The following RNF111 variants were observed in gnomAD, a reference collection of about 807,000 sequenced individuals.
RNF111 encodes E3 ubiquitin-protein ligase Arkadia.
Under a neutral mutation model 95.1 loss-of-function variants are expected in RNF111, and 17 were observed. The ratio of observed to expected loss-of-function variants is 0.18; its 90% CI spans 0.12 to 0.27. The LOEUF is 0.27. RNF111 is among the 10% of genes least tolerant of loss of function. RNF111 has a pLI of 1.00. For missense variants in RNF111, 1,189 were observed against 1,210.4 expected (o/e 0.98, Z 0.26); for synonymous variants, 440 against 414.8 (o/e 1.06, Z -0.74).
intron 1 of RNF111, among the ~76,000 whole-genome samples, chr15:59,024,022 TC>T (rs2040477511): frequency 6.6e-6 from 1 of 152,294 alleles, no homozygotes; most frequent in South Asian, 2.1e-4. Context: ...ATCTTTTGGC[TC>T]CCTGCTGTTC....
At chr15:59,019,502 T>A (rs2040228823) in intron 1 of RNF111, among the ~76,000 whole-genome samples, 1 of 152,188 alleles carries the variant, frequency 6.6e-6, no homozygotes, top group South Asian at 2.1e-4. Flanking sequence ...ACTAGGATTG[T>A]CTGTTACATC....
rs1315269907 is a variant in RNF111, at chr15:59,031,627, T to C, written c.805T>C (p.Ser269Pro). The C allele has an allele frequency of 6.2e-7, 1 of 1,614,056 alleles. No homozygotes were observed. Among genetic ancestry groups the C allele is most frequent in the Non-Finnish European group, 8.5e-7 (1 of 1,180,004 alleles). Residue 269 changes from serine to proline, a missense_variant, in exon 2 of 14, where the codon TCA becomes CCA. Around this residue, in one of 2 missense-constraint regions of RNF111, gnomAD observed 1,024 missense variants for 925.9 expected, o/e 1.11. Coordinates refer to ENST00000348370, the MANE Select transcript of RNF111 (RefSeq NM_017610.8). Reference protein sequence around the residue: ...NDLSSESSSSSSTEGEEDLFV... With the variant: ...NDLSSESSSSPSTEGEEDLFV... ...CCTCAGCAGTGAATCCTCTTCTAGCTCATCAACTGAAGGAGAAGAAGATTT... is the reference window on the plus strand; with the variant it reads ...CCTCAGCAGTGAATCCTCTTCTAGCCCATCAACTGAAGGAGAAGAAGATTT...
At chr15:59,021,844 C>A (rs544358521) in intron 1 of RNF111, among the ~76,000 whole-genome samples, 1 of 151,878 alleles carries the variant, frequency 6.6e-6, no homozygotes, top group Non-Finnish European at 1.5e-5. Flanking sequence ...TATTGCTATG[C>A]GTTCATTTTT....
chr15:59,065,300 G>A (rs1306064814), intron 5 of RNF111, among the ~76,000 whole-genome samples: 1 of 152,122 alleles, frequency 6.6e-6, no homozygotes, highest in East Asian at 1.9e-4. Flanking sequence ...GTTTGAGGAA[G>A]CGTTTCTAGG....
At chr15:59,069,306 T>C (rs1223401937) in intron 6 of RNF111, among the ~76,000 whole-genome samples, 1 of 152,212 alleles carries the variant, frequency 6.6e-6, no homozygotes, top group Non-Finnish European at 1.5e-5. Flanking sequence ...TGCTTGGAAG[T>C]ATAACTTTGT....
At chr15:59,066,625 T>A (rs2042668149) in intron 5 of RNF111, 139 bp from the exon 6 acceptor site, 1 of 726,942 alleles carries the variant, frequency 1.4e-6, no homozygotes, top group Non-Finnish European at 2.2e-6. Flanking sequence ...AAAAAGAACG[T>A]GGCACTATCA....
At chr15:59,005,670 C>T (rs2039509271) in intron 1 of RNF111, among the ~76,000 whole-genome samples, 1 of 151,106 alleles carries the variant, frequency 6.6e-6, no homozygotes, top group Non-Finnish European at 1.5e-5. Context: ...TGAAGTCGTA[C>T]CAAAAAAAAA....
At chr15:59,074,842 A>G (rs1188739878) in intron 6 of RNF111, among the ~76,000 whole-genome samples, 2 of 151,984 alleles carry the variant, frequency 1.3e-5, no homozygotes, top group African/African-American at 4.8e-5. Context: ...AAGCTTAATC[A>G]TTTCTCGGTT....
Position 58,993,127 on chromosome 15 carries a change from G to A in RNF111, c.-20+5059G>A, listed in dbSNP as rs562118715. Among the ~76,000 whole-genome samples the A allele has an allele frequency of 6.9e-4, 104 of 150,326 alleles. 2 individuals are homozygous for A. The highest frequency in any genetic ancestry group is 2.1e-4 in the South Asian group (1 of 4,700). ...AGAGGTTGCAGTGAGCCAAGATTGCGCCACTGCCCTTCAGTCTGGGTGACA... is the reference window on the plus strand; with the variant it reads ...AGAGGTTGCAGTGAGCCAAGATTGCACCACTGCCCTTCAGTCTGGGTGACA... On this transcript the variant is annotated intron_variant, in intron 1 of 13. Transcript: ENST00000348370.
intron 1 of RNF111, among the ~76,000 whole-genome samples, chr15:58,994,315 A>C (rs1267844355): frequency 1.3e-5 from 2 of 151,420 alleles, no homozygotes; most frequent in Non-Finnish European, 2.9e-5. Context: ...CTGGGATTAC[A>C]GGCGTGAGCC....
At chr15:58,997,842 T>C (rs1057258053) in intron 1 of RNF111, among the ~76,000 whole-genome samples, 1 of 151,684 alleles carries the variant, frequency 6.6e-6, no homozygotes, top group Non-Finnish European at 1.5e-5. Flanking sequence ...CCCAAAAAAT[T>C]TGTAAATTTA....
rs1555464442 is a variant in RNF111 at position 58,987,717 on chromosome 15, A to AGCT, written c.-369_-368insTGC. 4 of 178,606 alleles carry AGCT rather than the reference A, an allele frequency of 2.2e-5. No homozygotes were observed. The highest frequency in any genetic ancestry group is 9.6e-5 in the African/African-American group (4 of 41,570). 11.1% of individuals were successfully genotyped at this position (178,606 alleles called of 1,614,324 possible). A position where few individuals can be genotyped will look rare whatever the true frequency, so the allele number is the denominator to read the frequency against. The stretch of plus-strand genomic sequence containing the variant: ...ATTGGTTAGGCGGCGGCGGCGGCGA[A>AGCT]GCGGCGGCGGCGGCTGTAGGGGAGC... On this transcript the variant is annotated 5_prime_UTR_variant, in exon 1 of 14. Coordinates refer to ENST00000348370, the MANE Select transcript of RNF111 (RefSeq NM_017610.8).
intron 5 of RNF111, among the ~76,000 whole-genome samples, chr15:59,061,918 T>C (rs1385020014): frequency 6.6e-6 from 1 of 151,640 alleles, no homozygotes; most frequent in Non-Finnish European, 1.5e-5. Flanking sequence ...CATAATTCAT[T>C]TTCTTCCCAG....
Position 59,031,250 on chromosome 15 carries a change from C to A in RNF111, c.428C>A (p.Ser143Tyr). 6.2e-7 allele frequency: 1 copy of A among 1,614,124 alleles called. No individual in the cohort carries two copies. Among genetic ancestry groups the A allele is most frequent in the South Asian group, 1.1e-5 (1 of 91,080 alleles). Reference sequence around the variant, plus strand: ...AGTGATTGTCTTTCTTCTCCTTCATCTAGTCTGCATTTTGGAGATTCTGAT... The same window carrying A: ...AGTGATTGTCTTTCTTCTCCTTCATATAGTCTGCATTTTGGAGATTCTGAT... ...SFSDCLSSPS[S>Y]SLHFGDSDTV... The change falls in exon 2 of 14, where the codon TCT becomes TAT. Residue 143 changes from serine (S) to tyrosine (Y), a missense_variant. Around this residue, in one of 2 missense-constraint regions of RNF111, gnomAD observed 1,024 missense variants for 925.9 expected, o/e 1.11. Transcript: ENST00000348370.
chr15:59,055,716 T>G lies in RNF111; in HGVS notation c.1042T>G (p.Trp348Gly). Residue 348 changes from tryptophan (W) to glycine (G), a missense_variant, in exon 4 of 14, where the codon TGG (tryptophan) becomes GGG (glycine). By Grantham distance (184) the Trp-to-Gly change is radical. This residue lies in a region of RNF111 where 1,024 missense variants were observed against 925.9 expected (regional missense o/e 1.11). Transcript: ENST00000348370. ...AACCCTTGGACACTCCAGATCTCAT[T>G]GGAGCCAGGGTTCCAGTTCTCATGC... ...RSTLGHSRSH[W>G]SQGSSSHASR... 6.2e-7 allele frequency: 1 copy of G among 1,613,968 alleles called. No homozygotes were observed. Among genetic ancestry groups the G allele is most frequent in the Non-Finnish European group, 8.5e-7 (1 of 1,179,934 alleles).
intron 1 of RNF111, among the ~76,000 whole-genome samples, chr15:59,017,014 C>T (rs893648713): frequency 1.3e-5 from 2 of 151,712 alleles, no homozygotes; most frequent in South Asian, 4.2e-4. Context: ...CATCTAGTTG[C>T]AGGAGAGCAA....
rs545165788 is a variant in RNF111 at position 59,064,393 on chromosome 15, G to T, written c.1367-2371G>T. On this transcript the variant is annotated intron_variant, in intron 5 of 13. Coordinates refer to ENST00000348370, the MANE Select transcript of RNF111 (RefSeq NM_017610.8). ...TACTAAAAATACAAAAAAATTAGCC[G>T]GGCTTGGTGGCGGGCGCCTGTAGTC... Among the ~76,000 whole-genome samples, 37 of 151,894 alleles carry T rather than the reference G, an allele frequency of 2.4e-4. No individual in the cohort carries two copies. In the South Asian group the frequency reaches 5.0e-3, roughly 21 times the overall value.
At chr15:59,069,632 A>G (rs1159178902) in intron 6 of RNF111, among the ~76,000 whole-genome samples, 1 of 152,210 alleles carries the variant, frequency 6.6e-6, no homozygotes, top group Non-Finnish European at 1.5e-5. Context: ...AAGAATCAGC[A>G]GGATCACAGG....
At chr15:59,081,460 A>G (rs1262389750) in intron 8 of RNF111, among the ~76,000 whole-genome samples, 176 bp downstream of exon 8, 1 of 150,450 alleles carries the variant, frequency 6.6e-6, no homozygotes, top group African/African-American at 2.4e-5. Context: ...TCTGGGCAAC[A>G]CAGTGAAATA....
Sources: gnomAD v4.1 joint callset for allele counts (sites outside exome capture counted in the v4.1 genomes callset) on GRCh38, gnomAD v4.1.1 for gene constraint, gnomAD v4.1.1 regional missense constraint, MANE v1.5 for transcripts, NCBI Gene and HGNC (gene_info 2026-07-23, HGNC 2026-07-21) for gene names.